TM9SF4: variants seen among roughly 807,000 people sequenced by gnomAD.
The protein encoded by TM9SF4 is dinucleotide oxidase disulfide thiol exchanger 3 superfamily member 4.
A neutral mutation model predicts 90.4 loss-of-function variants in TM9SF4; 26 were observed. The ratio of observed to expected loss-of-function variants is 0.29; its 90% CI spans 0.21 to 0.40. The LOEUF (loss-of-function observed/expected upper bound fraction) is 0.40. Ranked by LOEUF, TM9SF4 falls within the 10% of genes least tolerant of loss-of-function variation. The pLI is 1.00. For missense variants in TM9SF4, 549 were observed against 834.8 expected, an observed-to-expected ratio of 0.66 and a Z score of 4.22; for synonymous variants, 293 against 315.4, an observed-to-expected ratio of 0.93 and a Z score of 0.75.
At chr20:32,124,595 T>C (rs528563892) in intron 1 of TM9SF4, among the ~76,000 whole-genome samples, 135 of 152,224 alleles carry the variant, frequency 8.9e-4, no homozygotes, top group Non-Finnish European at 1.5e-3. Context: ...AAAAACTTTT[T>C]TTTTTTTTTT....
In TM9SF4 at chr20:32,147,900, G is replaced by T. The variant is rs933528523; in HGVS notation, c.954+1045G>T. Reference sequence around the variant, plus strand: ...ACTAGAGGACAGTAGATAACTTGAGGTTAGGAGTTCAAGACCAGCCTGACC... The same window carrying T: ...ACTAGAGGACAGTAGATAACTTGAGTTTAGGAGTTCAAGACCAGCCTGACC... On this transcript the variant is annotated intron_variant, in intron 9 of 17. Transcript: ENST00000398022. 2.0e-5 allele frequency among the ~76,000 whole-genome samples: 3 copies of T among 148,724 alleles called. No homozygotes were observed. In the South Asian group the frequency reaches 6.4e-4, roughly 32 times the overall value.
At chr20:32,150,947 T>A in intron 12 of TM9SF4, 72 bp downstream of exon 12, 1 of 1,568,080 alleles carries the variant, frequency 6.4e-7, no homozygotes, top group Non-Finnish European at 8.7e-7. Flanking sequence ...CAGGAGAAGG[T>A]AGGCAGGTCC....
intron 2 of TM9SF4, among the ~76,000 whole-genome samples, chr20:32,134,999 A>C (rs2046574931): frequency 6.6e-6 from 1 of 152,242 alleles, no homozygotes; most frequent in South Asian, 2.1e-4. Context: ...AAAAGATTGT[A>C]GACCTGTATT....
intron 13 of TM9SF4, among the ~76,000 whole-genome samples, chr20:32,156,896 T>TGTA (rs1208618902): frequency 6.6e-6 from 1 of 151,600 alleles, no homozygotes; most frequent in Non-Finnish European, 1.5e-5. Flanking sequence ...CGTGAGCCAC[T>TGTA]GTACCCAGCT....
intron 1 of TM9SF4, among the ~76,000 whole-genome samples, chr20:32,124,381 A>C (rs1193626924): frequency 2.6e-5 from 4 of 152,184 alleles, no homozygotes; most frequent in Non-Finnish European, 5.9e-5. Flanking sequence ...GTGGCAGTAC[A>C]GTTCTTCTTG....
intron 16 of TM9SF4, 114 bp from the exon 17 acceptor site, chr20:32,161,162 C>A: frequency 1.3e-6 from 1 of 767,246 alleles, no homozygotes; most frequent in Non-Finnish European, 2.2e-6. Context: ...ACATTTCCAT[C>A]ACCCCATATG....
chr20:32,123,866 A>ATATTTTTTTT, intron 1 of TM9SF4, among the ~76,000 whole-genome samples: 5 of 93,962 alleles, frequency 5.3e-5, no homozygotes, highest in African/African-American at 2.3e-4. Context: ...ATATATATAT[A>ATATTTTTTTT]TTTTTTTTTT....
At chr20:32,161,969 A>T (rs547146795) in intron 17 of TM9SF4, among the ~76,000 whole-genome samples, 125 of 152,220 alleles carry the variant, frequency 8.2e-4, no homozygotes, top group Admixed American at 4.0e-3. Context: ...GCCCAATAAT[A>T]AGAGGGAGCC....
At chr20:32,130,884 G>C (rs571087449) in intron 1 of TM9SF4, among the ~76,000 whole-genome samples, 1 of 152,226 alleles carries the variant, frequency 6.6e-6, no homozygotes, top group Non-Finnish European at 1.5e-5. Context: ...CTTTTAAAAA[G>C]CCTTACTCGC....
intron 1 of TM9SF4, among the ~76,000 whole-genome samples, chr20:32,123,525 TC>T (rs1309941627): frequency 2.0e-5 from 3 of 151,634 alleles, no homozygotes; most frequent in Non-Finnish European, 2.9e-5. Context: ...GGATTATTTG[TC>T]CTTTATCAGT....
chr20:32,165,558 G>T lies in TM9SF4; in HGVS notation c.*114G>T. The stretch of plus-strand genomic sequence containing the variant: ...CCTGCTCGTTTGGAATGTAACTCCT[G>T]GCACAGTGTTCCTGGATCCTGGGGC... On this transcript the variant is annotated 3_prime_UTR_variant, in exon 18 of 18. Transcript: ENST00000398022. 1 of 1,305,730 alleles carries T rather than the reference G, an allele frequency of 7.7e-7. No individual in the cohort carries two copies. The allele number at this position is 1,305,730 out of a possible 1,614,324, so 80.9% of individuals were successfully genotyped here. A position where few individuals can be genotyped will look rare whatever the true frequency, so the allele number is the denominator to read the frequency against.
At position 32,146,766 on chromosome 20, in the gene TM9SF4, T is replaced by G. The variant is rs376304086; in HGVS notation, c.884-19T>G. 1 of 1,613,598 alleles carries G rather than the reference T, an allele frequency of 6.2e-7. No individual in the cohort carries two copies. The highest frequency in any genetic ancestry group is 1.3e-5 in the African/African-American group (1 of 74,912). On this transcript the variant is annotated intron_variant, in intron 8 of 17. Transcript: ENST00000398022. ...TGGCAGCGCCAACTTCTCCTCATCC[T>G]CACCGCCATCTATTTCAGGTATCCT...
intron 15 of TM9SF4, 200 bp from the exon 16 acceptor site, chr20:32,159,792 A>G: frequency 1.6e-6 from 1 of 639,962 alleles, no homozygotes; most frequent in Non-Finnish European, 2.7e-6. Flanking sequence ...AGAGCAGGTC[A>G]GTCAACCCCT....
chr20:32,111,071 C>T (rs1339698697), intron 1 of TM9SF4, among the ~76,000 whole-genome samples: 27 of 152,168 alleles, frequency 1.8e-4, no homozygotes, highest in Non-Finnish European at 2.9e-5. Context: ...TGACTGGTAG[C>T]AATTTTCCCT....
At chr20:32,160,514 C>A (rs2046999324) in intron 16 of TM9SF4, among the ~76,000 whole-genome samples, 2 of 152,164 alleles carry the variant, frequency 1.3e-5, no homozygotes, top group South Asian at 2.1e-4. Flanking sequence ...ACCCTGGCTC[C>A]TCCATGAGTA....
intron 6 of TM9SF4, 63 bp from the exon 7 acceptor site, chr20:32,145,028 G>A (rs2122419680): frequency 6.5e-7 from 1 of 1,535,520 alleles, no homozygotes; most frequent in Non-Finnish European, 9.0e-7. Context: ...GCAGCCCCTG[G>A]AATAGCCCCT....
intron 1 of TM9SF4, among the ~76,000 whole-genome samples, chr20:32,122,509 G>T (rs1427369046): frequency 6.6e-6 from 1 of 151,008 alleles, no homozygotes. Context: ...GGGCAGAGAC[G>T]CTCCTCACCT....
At chr20:32,132,326 C>CT (rs1446875756) in intron 1 of TM9SF4, among the ~76,000 whole-genome samples, 1 of 151,958 alleles carries the variant, frequency 6.6e-6, no homozygotes, top group Non-Finnish European at 1.5e-5. Context: ...CTCACTTGAA[C>CT]TTGGGAGGCA....
intron 1 of TM9SF4, among the ~76,000 whole-genome samples, chr20:32,111,246 C>T (rs1048173311): frequency 2.0e-5 from 3 of 152,090 alleles, no homozygotes; most frequent in African/African-American, 7.3e-5. Context: ...TATGTTGAAA[C>T]CTACATATAT....
Sources: allele counts gnomAD v4.1 joint callset (sites outside exome capture counted in the v4.1 genomes callset), GRCh38; gene constraint gnomAD v4.1.1; transcripts MANE v1.5; gene names NCBI Gene and HGNC (gene_info 2026-07-23, HGNC 2026-07-21).